PLCH1: variants seen among roughly 807,000 people sequenced by gnomAD.
The protein encoded by PLCH1 is phospholipase C eta 1, also known as 1-phosphatidylinositol 4,5-bisphosphate phosphodiesterase eta-1.
In PLCH1, 60 loss-of-function variants were observed where a neutral mutation model predicts 126.7. The ratio of observed to expected loss-of-function variants is 0.47; its 90% CI spans 0.38 to 0.59. PLCH1 has a LOEUF of 0.59. Among genes scored for constraint, PLCH1 ranks in the 20% least tolerant of loss-of-function variants. The probability of loss-of-function intolerance (pLI) is 0.00; values close to 1 mark genes in which losing one functional copy is unlikely to be tolerated. For missense variants in PLCH1, 1,723 were observed against 2,040.0 expected, an observed-to-expected ratio of 0.84 and a Z score of 2.99; for synonymous variants, 719 against 734.9, an observed-to-expected ratio of 0.98 and a Z score of 0.35.
chr3:155,612,044 T>C (rs1326080700), intron 2 of PLCH1, among the ~76,000 whole-genome samples: 2 of 152,108 alleles, frequency 1.3e-5, no homozygotes, highest in African/African-American at 4.8e-5. Context: ...TGGCCAGGCA[T>C]GGTGGCTCAT....
intron 8 of PLCH1, among the ~76,000 whole-genome samples, chr3:155,555,429 G>A (rs1020887000): frequency 6.6e-6 from 1 of 152,162 alleles, no homozygotes; most frequent in African/African-American, 2.4e-5. Flanking sequence ...CTTTAGAAGT[G>A]GTGAAGATGG....
intron 6 of PLCH1, among the ~76,000 whole-genome samples, chr3:155,579,211 G>A (rs1730356603): frequency 6.6e-6 from 1 of 152,126 alleles, no homozygotes; most frequent in Admixed American, 6.6e-5. Context: ...AAGTGCCTCT[G>A]CCATGCCCTA....
chr3:155,686,136 G>A (rs747128912), intron 2 of PLCH1, among the ~76,000 whole-genome samples: 19 of 152,222 alleles, frequency 1.2e-4, no homozygotes, highest in African/African-American at 2.4e-4. Context: ...GCATGCATGC[G>A]TGTGTGTGTA....
chr3:155,459,591 A>G (rs909458765), intron 21 of PLCH1, among the ~76,000 whole-genome samples: 1 of 152,210 alleles, frequency 6.6e-6, no homozygotes, highest in African/African-American at 2.4e-5. Context: ...TCAGAGGCTC[A>G]AGAAAGGGGG....
intron 1 of PLCH1, chr3:155,742,813 A>G (rs879279971): frequency 2.9e-4 from 45 of 153,700 alleles, no homozygotes; most frequent in Non-Finnish European, 4.5e-4. Context: ...CTCGCTAATC[A>G]TTTGAAAAGT....
intron 1 of PLCH1, among the ~76,000 whole-genome samples, chr3:155,709,605 C>A (rs1746938321): frequency 6.6e-6 from 1 of 152,144 alleles, no homozygotes; most frequent in Non-Finnish European, 1.5e-5. Context: ...GTCATTCATT[C>A]ATCCATTCAT....
intron 10 of PLCH1, among the ~76,000 whole-genome samples, chr3:155,536,293 A>G (rs1723347094): frequency 6.6e-6 from 1 of 152,216 alleles, no homozygotes; most frequent in South Asian, 2.1e-4. Context: ...AGATCACAAT[A>G]TCTCACCAAG....
At chr3:155,582,748 T>C (rs1730879016) in intron 6 of PLCH1, among the ~76,000 whole-genome samples, 2 of 152,156 alleles carry the variant, frequency 1.3e-5, no homozygotes, top group Admixed American at 6.6e-5. Flanking sequence ...AGAAGTCTAA[T>C]ATAAAAGGTT....
intron 2 of PLCH1, chr3:155,676,316 T>C: frequency 9.0e-7 from 1 of 1,113,532 alleles, no homozygotes; most frequent in African/African-American, 1.6e-5. Context: ...TGGAAGCATC[T>C]GCTCGGGGCT....
intron 11 of PLCH1, among the ~76,000 whole-genome samples, chr3:155,522,272 AAAAT>A (rs1355393456): frequency 6.6e-6 from 1 of 152,244 alleles, no homozygotes; most frequent in Non-Finnish European, 1.5e-5. Flanking sequence ...TTAATTATAA[AAAAT>A]AAATACCTAG....
chr3:155,563,633 C>CA (rs11356535), intron 8 of PLCH1, among the ~76,000 whole-genome samples: 248 of 139,260 alleles, frequency 1.8e-3, no homozygotes, highest in African/African-American at 4.3e-3. Context: ...ACACACATGT[C>CA]AAAAAAAAAA....
chr3:155,545,428 G>C (rs1345663735), intron 10 of PLCH1, among the ~76,000 whole-genome samples: 1 of 149,478 alleles, frequency 6.7e-6, no homozygotes, highest in African/African-American at 2.5e-5. Flanking sequence ...TCCAGGACCA[G>C]ATGGATTCAA....
intron 2 of PLCH1, among the ~76,000 whole-genome samples, chr3:155,687,044 G>A (rs1016595685): frequency 6.6e-6 from 1 of 152,136 alleles, no homozygotes; most frequent in East Asian, 1.9e-4. Flanking sequence ...TCTGTCAATA[G>A]TCAAATTAGT....
intron 6 of PLCH1, among the ~76,000 whole-genome samples, chr3:155,581,573 T>C (rs1198602327): frequency 6.6e-6 from 1 of 152,178 alleles, no homozygotes; most frequent in Non-Finnish European, 1.5e-5. Context: ...ATTCCCTTTA[T>C]ATGAAATGTC....
intron 12 of PLCH1, among the ~76,000 whole-genome samples, chr3:155,511,331 G>A (rs1348380148): frequency 3.0e-5 from 4 of 132,752 alleles, no homozygotes; most frequent in Non-Finnish European, 4.6e-5. Flanking sequence ...TAATTTGATC[G>A]TCTGAAGCCT....
chr3:155,570,152 T>G (rs754685112), intron 6 of PLCH1, among the ~76,000 whole-genome samples: 1 of 152,064 alleles, frequency 6.6e-6, no homozygotes, highest in Non-Finnish European at 1.5e-5. Flanking sequence ...AATGTAAGAG[T>G]CAATCGACTC....
chr3:155,641,695 T>G (rs1739417898), intron 2 of PLCH1, among the ~76,000 whole-genome samples: 1 of 152,208 alleles, frequency 6.6e-6, no homozygotes, highest in Non-Finnish European at 1.5e-5. Flanking sequence ...AAATATTATA[T>G]GTACCCCATA....
chr3:155,479,550 C>A (rs573318487), downstream of PLCH1, among the ~76,000 whole-genome samples: 4 of 152,174 alleles, frequency 2.6e-5, no homozygotes, highest in South Asian at 8.3e-4. Context: ...CACGTAGCTC[C>A]CCCACCCACG....
At chr3:155,476,153 T>C (rs1713536456), downstream of PLCH1, among the ~76,000 whole-genome samples, 2 of 152,030 alleles carry the variant, frequency 1.3e-5, no homozygotes, top group South Asian at 4.1e-4. Context: ...GTCCAACATA[T>C]GCAAATCAAT....
Sources: allele counts gnomAD v4.1 joint callset (sites outside exome capture counted in the v4.1 genomes callset), GRCh38; gene constraint gnomAD v4.1.1; transcripts MANE v1.5; gene names NCBI Gene and HGNC (gene_info 2026-07-23, HGNC 2026-07-21).